The following AKAP8L variants were observed in gnomAD, a reference collection of about 807,000 sequenced individuals.
AKAP8L encodes A-kinase anchoring protein 8 like, also known as A-kinase anchor protein 8-like.
Under a neutral mutation model 77.5 loss-of-function variants are expected in AKAP8L, and 34 were observed. That is an observed-to-expected ratio of 0.44 (90% confidence interval 0.33 to 0.58). The LOEUF is 0.58. Ranked by LOEUF, AKAP8L falls within the 20% of genes least tolerant of loss-of-function variation. The pLI, the probability that AKAP8L is intolerant of heterozygous loss-of-function variation, is 0.02. For synonymous variants in AKAP8L, 342 were observed against 340.7 expected (o/e 1.00, Z -0.04); for missense variants, 806 against 887.6 (o/e 0.91, Z 1.17).
Position 15,401,747 on chromosome 19 carries a change from G to GGGCCGGGCGCGGTGGCTCACGCCTGT in AKAP8L, c.363-145_363-144insACAGGCGTGAGCCACCGCGCCCGGCC. The GGGCCGGGCGCGGTGGCTCACGCCTGT allele has an allele frequency of 2.9e-6, 2 of 681,268 alleles. No homozygotes were observed. Among genetic ancestry groups the GGGCCGGGCGCGGTGGCTCACGCCTGT allele is most frequent in the Non-Finnish European group, 4.9e-6 (2 of 411,678 alleles). 42.2% of individuals were successfully genotyped at this position (681,268 alleles called of 1,614,324 possible). On this transcript the variant is annotated intron_variant, in intron 4 of 13. Transcript: ENST00000397410. This position sits in a 1 kb window ranked among gnomAD's most constrained non-coding sequence, Gnocchi z 6.2. Reference sequence around the variant, plus strand: ...TCAATGTTCAGAAATGCCGATTAAAGAGTTCCAGCCTCTCAGCTGATATAG... The same window carrying GGGCCGGGCGCGGTGGCTCACGCCTGT: ...TCAATGTTCAGAAATGCCGATTAAAGGGCCGGGCGCGGTGGCTCACGCCTGTAGTTCCAGCCTCTCAGCTGATATAG...
intron 12 of AKAP8L, among the ~76,000 whole-genome samples, chr19:15,389,488 T>C: frequency 6.6e-6 from 1 of 151,440 alleles, no homozygotes; most frequent in East Asian, 2.0e-4. Context: ...TCAAAGCAGC[T>C]CAGGCCGGGC....
At position 15,399,215 on chromosome 19, in the gene AKAP8L, C is replaced by T. The variant is rs1967838256; in HGVS notation, c.1157+87G>A. On this transcript the variant is annotated intron_variant, in intron 9 of 13. Coordinates refer to ENST00000397410, the MANE Select transcript of AKAP8L (RefSeq NM_014371.4). The surrounding 1 kb of genome is among the most constrained non-coding windows in gnomAD (Gnocchi z 6.1). ...GCGGCTCCCAAGGGAGGCCAGAGGGCGGCGAGCTGGCAGAGCTATGGCCCT... is the reference window on the plus strand; with the variant it reads ...GCGGCTCCCAAGGGAGGCCAGAGGGTGGCGAGCTGGCAGAGCTATGGCCCT... 5 of 1,245,868 alleles carry T rather than the reference C, an allele frequency of 4.0e-6. No homozygotes were observed. Among genetic ancestry groups the T allele is most frequent in the East Asian group, 2.4e-5 (1 of 42,352 alleles). 77.2% of individuals were successfully genotyped at this position (1,245,868 alleles called of 1,614,324 possible). A position where few individuals can be genotyped will look rare whatever the true frequency, so the allele number is the denominator to read the frequency against.
intron 12 of AKAP8L, chr19:15,383,707 A>C (rs1967465751): frequency 6.6e-6 from 1 of 152,152 alleles, no homozygotes; most frequent in Non-Finnish European, 1.5e-5. Flanking sequence ...AGTAAGTTTT[A>C]GTATTTCTGA....
chr19:15,400,340 C>T lies in AKAP8L; in HGVS notation c.1003G>A (p.Gly335Arg). ...GSRVDGEDEEGKEDGREEGKE... is the reference protein window; with the variant it reads ...GSRVDGEDEERKEDGREEGKE... ...CCTTCTTCTCTCCCATCCTCTTTTCCCTCCTCATCCTCTCCGTCCTAACAA... is the reference window on the plus strand; with the variant it reads ...CCTTCTTCTCTCCCATCCTCTTTTCTCTCCTCATCCTCTCCGTCCTAACAA... Residue 335 changes from glycine (G) to arginine (R), a missense_variant, in exon 8 of 14, where the codon GGA (glycine) becomes AGA (arginine). By Grantham distance (125) the Gly-to-Arg change is moderately radical. Transcript: ENST00000397410. The T allele has an allele frequency of 6.2e-7, 1 of 1,613,826 alleles. No individual in the cohort carries two copies.
At chr19:15,389,361 C>T (rs1167496941) in intron 12 of AKAP8L, among the ~76,000 whole-genome samples, 2 of 151,794 alleles carry the variant, frequency 1.3e-5, no homozygotes, top group Non-Finnish European at 2.9e-5. Flanking sequence ...TTAAGTGATC[C>T]AACATACGGG....
chr19:15,384,117 G>A (rs1010508205), intron 12 of AKAP8L, among the ~76,000 whole-genome samples: 3 of 151,524 alleles, frequency 2.0e-5, no homozygotes. Flanking sequence ...ATTTTTAGTA[G>A]AGACAGGGTT....
chr19:15,403,465 G>A lies in AKAP8L; in HGVS notation c.362+10C>T, dbSNP rs1967938237. The stretch of plus-strand genomic sequence containing the variant: ...GCAGAGTCTCAACCCCTAGGCAGGT[G>A]TCCACTCACCTTTCTCCACCTGAGC... On this transcript the variant is annotated intron_variant, in intron 4 of 13. Coordinates refer to ENST00000397410, the MANE Select transcript of AKAP8L (RefSeq NM_014371.4). This position sits in a 1 kb window ranked among gnomAD's most constrained non-coding sequence, Gnocchi z 4.3. 1 of 1,613,504 alleles carries A rather than the reference G, an allele frequency of 6.2e-7. No homozygotes were observed. The highest frequency in any genetic ancestry group is 1.3e-5 in the African/African-American group (1 of 74,890).
chr19:15,401,648 C>G lies in AKAP8L; in HGVS notation c.363-45G>C. ...GCATCAGGTGGAGCCCCTCAGGATCCCTCACCTCCAGGCAACTGCTCCTGC... is the reference window on the plus strand; with the variant it reads ...GCATCAGGTGGAGCCCCTCAGGATCGCTCACCTCCAGGCAACTGCTCCTGC... On this transcript the variant is annotated intron_variant, in intron 4 of 13. Coordinates refer to ENST00000397410, the MANE Select transcript of AKAP8L (RefSeq NM_014371.4). This position sits in a 1 kb window ranked among gnomAD's most constrained non-coding sequence, Gnocchi z 6.2. 6.8e-7 allele frequency: 1 copy of G among 1,466,058 alleles called. No individual in the cohort carries two copies. Among genetic ancestry groups the G allele is most frequent in the Non-Finnish European group, 9.2e-7 (1 of 1,092,586 alleles). 90.8% of individuals were successfully genotyped at this position (1,466,058 alleles called of 1,614,324 possible).
Position 15,394,669 on chromosome 19 carries a change from A to G in AKAP8L, c.1536+2481T>C, listed in dbSNP as rs186966844. Among the ~76,000 whole-genome samples, 517 of 152,238 alleles carry G rather than the reference A, an allele frequency of 3.4e-3. 5 individuals carry two copies. The highest frequency in any genetic ancestry group is 0.012 in the African/African-American group (495 of 41,532). On this transcript the variant is annotated intron_variant, in intron 12 of 13. Transcript: ENST00000397410. ...AGCGATCCTCCCACCTTGGCTTCCC[A>G]AAGTGCTGGGATTGCAGGCATGAGC...
In AKAP8L at chr19:15,380,271, C is replaced by T; in HGVS notation, c.1792G>A (p.Gly598Arg). 6.6e-7 allele frequency: 1 copy of T among 1,516,498 alleles called. No homozygotes were observed. The highest frequency in any genetic ancestry group is 1.2e-5 in the South Asian group (1 of 82,212). 93.9% of individuals were successfully genotyped at this position (1,516,498 alleles called of 1,614,324 possible). A position where few individuals can be genotyped will look rare whatever the true frequency, so the allele number is the denominator to read the frequency against. Residue 598 changes from glycine to arginine, a missense_variant, in exon 14 of 14, where the codon GGG becomes AGG. Physicochemically the swap from Gly to Arg is moderately radical, Grantham distance 125 (BLOSUM62 -2). Coordinates refer to ENST00000397410, the MANE Select transcript of AKAP8L (RefSeq NM_014371.4). ...GGCGGCGGTGGCGGCGACACGGCCC[C>T]GGGGGCTGGCTCTGGGGGCACGGGA... ...QPPVPPEPAP[G>R]AVSPPPPPPP...
At position 15,398,935 on chromosome 19, in the gene AKAP8L, G is replaced by A. The variant is rs1012557418; in HGVS notation, c.1157+367C>T. 4.3e-5 allele frequency: 20 copies of A among 461,002 alleles called. No homozygotes were observed. The highest frequency in any genetic ancestry group is 1.3e-4 in the South Asian group (4 of 30,532). The allele number at this position is 461,002 out of a possible 1,614,324, so 28.6% of individuals were successfully genotyped here. A position where few individuals can be genotyped will look rare whatever the true frequency, so the allele number is the denominator to read the frequency against. ...TGGCCTCTTGGCAGCTAGCTGGGGC[G>A]GCACAGGCGCCTTGGACCTTGAGTC... On this transcript the variant is annotated intron_variant, in intron 9 of 13. Coordinates refer to ENST00000397410, the MANE Select transcript of AKAP8L (RefSeq NM_014371.4). The surrounding 1 kb of genome is among the most constrained non-coding windows in gnomAD (Gnocchi z 9.2).
chr19:15,415,752 G>A lies in AKAP8L; in HGVS notation c.13+3159C>T, dbSNP rs1473266998. On this transcript the variant is annotated intron_variant, in intron 1 of 13. Transcript: ENST00000397410. Reference sequence around the variant, plus strand: ...ATACAAAAAATTAGCCGGGTGTGGTGGCGGGCACCTGTAGTCCCAGCTACT... The same window carrying A: ...ATACAAAAAATTAGCCGGGTGTGGTAGCGGGCACCTGTAGTCCCAGCTACT... Among the ~76,000 whole-genome samples the A allele has an allele frequency of 2.6e-5, 4 of 152,102 alleles. No homozygotes were observed. In the East Asian group the frequency reaches 5.8e-4, roughly 22 times the overall value.
chr19:15,418,535 C>T (rs1568276674), intron 1 of AKAP8L, among the ~76,000 whole-genome samples: 1 of 152,270 alleles, frequency 6.6e-6, no homozygotes, highest in South Asian at 2.1e-4. Flanking sequence ...CGACGGCAGC[C>T]GAGCCTGCTG....
At chr19:15,394,144 T>A (rs1967721204) in intron 12 of AKAP8L, among the ~76,000 whole-genome samples, 1 of 152,114 alleles carries the variant, frequency 6.6e-6, no homozygotes, top group Non-Finnish European at 1.5e-5. Context: ...GCATTATTCA[T>A]AATAGCCAAA....
intron 2 of AKAP8L, among the ~76,000 whole-genome samples, chr19:15,405,981 C>CTGT (rs1967988947): frequency 6.6e-6 from 1 of 151,984 alleles, no homozygotes; most frequent in Admixed American, 6.6e-5. Flanking sequence ...GCAGATCCAT[C>CTGT]AGGGCTCTGC....
intron 1 of AKAP8L, among the ~76,000 whole-genome samples, chr19:15,415,153 G>A: frequency 6.6e-6 from 1 of 152,124 alleles, no homozygotes; most frequent in East Asian, 1.9e-4. Flanking sequence ...ACAAAAGCAG[G>A]CCAAATGCTG....
intron 12 of AKAP8L, among the ~76,000 whole-genome samples, chr19:15,387,961 G>A (rs1967575252): frequency 6.6e-6 from 1 of 151,282 alleles, no homozygotes; most frequent in African/African-American, 2.4e-5. Flanking sequence ...TCTTGTCTGG[G>A]AGAGGGGGCG....
At chr19:15,408,270 T>C (rs1292831284) in intron 2 of AKAP8L, among the ~76,000 whole-genome samples, 1 of 150,620 alleles carries the variant, frequency 6.6e-6, no homozygotes. Context: ...GGCAATTCAA[T>C]AGAGAAAATA....
chr19:15,383,368 C>A (rs1233535974), intron 12 of AKAP8L: 1 of 152,092 alleles, frequency 6.6e-6, no homozygotes, highest in Non-Finnish European at 1.5e-5. Context: ...CACCACCATG[C>A]TTGGCTAATT....
Sources: gnomAD v4.1 joint callset for allele counts (sites outside exome capture counted in the v4.1 genomes callset) on GRCh38, gnomAD v4.1.1 for gene constraint, Gnocchi (gnomAD v3.1) non-coding constraint, MANE v1.5 for transcripts, NCBI Gene and HGNC (gene_info 2026-07-23, HGNC 2026-07-21) for gene names.